The following TMEM135 variants were observed in gnomAD, a reference collection of about 807,000 sequenced individuals.
TMEM135 encodes the protein transmembrane protein 135, also known as peroxisomal membrane protein 52.
Under a neutral mutation model 60.3 loss-of-function variants are expected in TMEM135, and 30 were observed. The observed-to-expected ratio is 0.50, with a 90% CI of 0.37 to 0.68. The LOEUF is 0.68. TMEM135 is among the 30% of genes least tolerant of loss of function. The pLI is 0.00. For synonymous variants in TMEM135, 190 were observed against 186.7 expected (o/e 1.02, Z -0.14); for missense variants, 468 against 548.8 (o/e 0.85, Z 1.47).
intron 4 of TMEM135, among the ~76,000 whole-genome samples, chr11:87,134,839 C>A (rs372381875): frequency 2.6e-5 from 4 of 152,096 alleles, no homozygotes; most frequent in Non-Finnish European, 4.4e-5. Context: ...AGTGATCATA[C>A]CATTTTACAT....
rs1942933912 is a variant in TMEM135, at chr11:87,327,699, G to A, written c.*6366G>A. 1 of 454,002 alleles carries A rather than the reference G, an allele frequency of 2.2e-6. No homozygotes were observed. The highest frequency in any genetic ancestry group is 4.4e-6 in the Non-Finnish European group (1 of 226,776). 28.1% of individuals were successfully genotyped at this position (454,002 alleles called of 1,614,324 possible). On this transcript the variant is annotated 3_prime_UTR_variant, in exon 15 of 15. Transcript: ENST00000305494. ...GCTCAGTACAAGTCCAAAAGCCTTG[G>A]AACCAGGGAAACTGATGGTGTAATT...
intron 5 of TMEM135, among the ~76,000 whole-genome samples, chr11:87,228,350 C>G (rs1023365462): frequency 1.1e-4 from 17 of 152,190 alleles, no homozygotes; most frequent in Admixed American, 1.3e-4. Flanking sequence ...TACCTTTCTA[C>G]ATCTGTCTCC....
intron 6 of TMEM135, among the ~76,000 whole-genome samples, chr11:87,274,722 A>G (rs910180106): frequency 3.3e-5 from 5 of 151,596 alleles, no homozygotes; most frequent in Non-Finnish European, 7.4e-5. Flanking sequence ...GCAGCTCAGG[A>G]GACTGAGGCA....
chr11:87,282,774 A>G (rs1942084339), intron 6 of TMEM135, among the ~76,000 whole-genome samples: 1 of 152,212 alleles, frequency 6.6e-6, no homozygotes, highest in Non-Finnish European at 1.5e-5. Context: ...GGATGTATTT[A>G]CAATTTGATC....
intron 6 of TMEM135, chr11:87,259,178 C>T (rs59876414): frequency 0.014 from 7,845 of 568,210 alleles, 173 homozygotes; most frequent in African/African-American, 0.06. Flanking sequence ...CGTCGTCCTC[C>T]TCCAACTCCT....
chr11:87,076,308 G>GCAC (rs1856871268), intron 3 of TMEM135, among the ~76,000 whole-genome samples: 1 of 152,126 alleles, frequency 6.6e-6, no homozygotes, highest in Non-Finnish European at 1.5e-5. Flanking sequence ...CTCCATGTGG[G>GCAC]CACCACCACC....
chr11:87,204,263 C>A (rs1591101766), intron 5 of TMEM135, among the ~76,000 whole-genome samples: 1 of 149,360 alleles, frequency 6.7e-6, no homozygotes, highest in South Asian at 2.1e-4. Context: ...AATGAATATT[C>A]GTACAATTTT....
intron 5 of TMEM135, among the ~76,000 whole-genome samples, chr11:87,228,615 C>A (rs572525702): frequency 6.6e-6 from 1 of 152,172 alleles, no homozygotes; most frequent in South Asian, 2.1e-4. Context: ...TCACTAAGCA[C>A]CAATGTCTTT....
intron 4 of TMEM135, among the ~76,000 whole-genome samples, chr11:87,120,793 A>G (rs1858036422): frequency 6.6e-6 from 1 of 152,190 alleles, no homozygotes; most frequent in African/African-American, 2.4e-5. Context: ...AATATTAATT[A>G]TAATCGTTTA....
intron 4 of TMEM135, among the ~76,000 whole-genome samples, chr11:87,104,767 C>T (rs979087759): frequency 6.6e-6 from 1 of 152,130 alleles, no homozygotes; most frequent in Non-Finnish European, 1.5e-5. Flanking sequence ...TATGTTGACA[C>T]TGTGTCCTGC....
At chr11:87,251,425 G>A (rs771873850) in intron 6 of TMEM135, among the ~76,000 whole-genome samples, 1 of 152,102 alleles carries the variant, frequency 6.6e-6, no homozygotes, top group African/African-American at 2.4e-5. Flanking sequence ...CACACTAGCT[G>A]TCTGACTTTA....
At chr11:87,289,501 T>C (rs1340209022) in intron 6 of TMEM135, among the ~76,000 whole-genome samples, 2 of 134,238 alleles carry the variant, frequency 1.5e-5, no homozygotes, top group African/African-American at 2.9e-5. Context: ...CAGGCTGGAG[T>C]GCAGTGGTGC....
At position 87,326,087 on chromosome 11, in the gene TMEM135, GT is replaced by G. The variant is rs199909607; in HGVS notation, c.*4768del. The G allele has an allele frequency of 3.5e-3, 1,524 of 440,882 alleles. 1 individual carries two copies. The highest frequency in any genetic ancestry group is 0.011 in the South Asian group (703 of 63,318). 27.3% of individuals were successfully genotyped at this position (440,882 alleles called of 1,614,324 possible). A position where few individuals can be genotyped will look rare whatever the true frequency, so the allele number is the denominator to read the frequency against. On this transcript the variant is annotated 3_prime_UTR_variant, in exon 15 of 15. Coordinates refer to ENST00000305494, the MANE Select transcript of TMEM135 (RefSeq NM_022918.4). ...CAAACTACTATAGCTTGCCTGTTCAGTTTTTTTTTTTTTTAATATTCAGTTT... is the reference window on the plus strand; with the variant it reads ...CAAACTACTATAGCTTGCCTGTTCAGTTTTTTTTTTTTTAATATTCAGTTT...
rs562600191 is a variant in TMEM135 at position 87,221,791 on chromosome 11, T to G, written c.463-14847T>G. ...TGTTTATTATCAAAATCATTTTTAC[T>G]GTTGAAACAAAGCTAGCTCAGCATT... On this transcript the variant is annotated intron_variant, in intron 5 of 14. Transcript: ENST00000305494. 2.0e-5 allele frequency among the ~76,000 whole-genome samples: 3 copies of G among 152,340 alleles called. No homozygotes were observed. The South Asian group carries it at 6.2e-4, about 32-fold the overall frequency.
intron 5 of TMEM135, among the ~76,000 whole-genome samples, chr11:87,214,983 A>T (rs1404006951): frequency 6.6e-6 from 1 of 152,136 alleles, no homozygotes; most frequent in Non-Finnish European, 1.5e-5. Context: ...TTGAATGTTT[A>T]AGATCAATAG....
At position 87,327,915 on chromosome 11, in the gene TMEM135, C is replaced by G. The variant is rs1254996287; in HGVS notation, c.*6582C>G. ...TCCTTTCTTCTGTTTTTATTCTACC[C>G]AGGCCTCCAGTGGATTGGAGGTGCC... On this transcript the variant is annotated 3_prime_UTR_variant, in exon 15 of 15. Coordinates refer to ENST00000305494, the MANE Select transcript of TMEM135 (RefSeq NM_022918.4). The G allele has an allele frequency of 8.8e-6, 4 of 453,896 alleles. No individual in the cohort carries two copies. Among genetic ancestry groups the G allele is most frequent in the Non-Finnish European group, 1.8e-5 (4 of 226,780 alleles). 28.1% of individuals were successfully genotyped at this position (453,896 alleles called of 1,614,324 possible).
At chr11:87,083,803 C>T (rs999162801) in intron 3 of TMEM135, among the ~76,000 whole-genome samples, 14 of 151,930 alleles carry the variant, frequency 9.2e-5, no homozygotes, top group Non-Finnish European at 1.5e-4. Context: ...ATTTTTATAC[C>T]TTCTAAAACA....
intron 5 of TMEM135, among the ~76,000 whole-genome samples, chr11:87,199,541 C>G (rs772763241): frequency 1.3e-5 from 2 of 152,130 alleles, no homozygotes; most frequent in Non-Finnish European, 2.9e-5. Context: ...AATTACTGAG[C>G]TTGTAGGGGA....
intron 4 of TMEM135, among the ~76,000 whole-genome samples, chr11:87,102,694 A>ATATATATATGTATATATATG (rs1252650502): frequency 1.1e-3 from 105 of 92,842 alleles, no homozygotes; most frequent in South Asian, 4.0e-3. Context: ...ATGTGTGTGT[A>ATATATATATGTATATATATG]TATATATATG....
Sources: allele counts gnomAD v4.1 joint callset (sites outside exome capture counted in the v4.1 genomes callset), GRCh38; gene constraint gnomAD v4.1.1; transcripts MANE v1.5; gene names NCBI Gene and HGNC (gene_info 2026-07-23, HGNC 2026-07-21).